The following SDK1 variants were observed in gnomAD, a reference collection of about 807,000 sequenced individuals.
The protein encoded by SDK1 is sidekick cell adhesion molecule 1.
SDK1 carries 157 observed loss-of-function variants against 245.5 expected under a neutral mutation model. The observed-to-expected ratio is 0.64, with a 90% confidence interval of 0.56 to 0.73. The LOEUF is 0.73. Among genes scored for constraint, SDK1 ranks in the 30% least tolerant of loss-of-function variants. The pLI is 0.00. For synonymous variants in SDK1, 1,647 were observed against 1,278.5 expected (o/e 1.29, Z -6.15); for missense variants, 3,583 against 3,002.3 (o/e 1.19, Z -4.52).
chr7:3,816,188 A>G (rs940556882), intron 4 of SDK1, among the ~76,000 whole-genome samples: 2 of 150,940 alleles, frequency 1.3e-5, no homozygotes, highest in African/African-American at 4.9e-5. Context: ...TAAAAGAACT[A>G]GAAAAGCAAG....
intron 4 of SDK1, among the ~76,000 whole-genome samples, chr7:3,782,113 A>G (rs1780764178): frequency 6.6e-6 from 1 of 152,214 alleles, no homozygotes; most frequent in Non-Finnish European, 1.5e-5. Flanking sequence ...TTATGAGGAA[A>G]AGATGTTTCA....
intron 1 of SDK1, among the ~76,000 whole-genome samples, chr7:3,473,554 G>A (rs976271646): frequency 3.9e-5 from 6 of 152,322 alleles, no homozygotes; most frequent in African/African-American, 1.4e-4. Flanking sequence ...CTTGCAGTAT[G>A]TGGGACGTTG....
At chr7:3,896,167 G>A (rs1307219795) in intron 5 of SDK1, among the ~76,000 whole-genome samples, 2 of 152,146 alleles carry the variant, frequency 1.3e-5, no homozygotes, top group Admixed American at 6.5e-5. Flanking sequence ...AATGAAAAAC[G>A]AAATGTTTAT....
At position 3,969,265 on chromosome 7, in the gene SDK1, A is replaced by G. The variant is rs1196923950; in HGVS notation, c.1555A>G (p.Ile519Val). 1 of 1,597,692 alleles carries G rather than the reference A, an allele frequency of 6.3e-7. No individual in the cohort carries two copies. The highest frequency in any genetic ancestry group is 1.3e-5 in the African/African-American group (1 of 74,376). The change falls in exon 11 of 45, where the codon ATT becomes GTT. Residue 519 changes from isoleucine (I) to valine (V), a missense_variant. Physicochemically the swap from Ile to Val is conservative, Grantham distance 29. Transcript: ENST00000404826. ...TCTCCACTGTTCTTTAGAAAACCACATTCTGGCCAGTGGCTCTGTCCGGAT... is the reference window on the plus strand; with the variant it reads ...TCTCCACTGTTCTTTAGAAAACCACGTTCTGGCCAGTGGCTCTGTCCGGAT... ...PAITWKRENH[I>V]LASGSVRIPR...
intron 38 of SDK1, among the ~76,000 whole-genome samples, chr7:4,217,888 T>C (rs1257139360): frequency 1.3e-5 from 2 of 152,130 alleles, no homozygotes; most frequent in Non-Finnish European, 2.9e-5. Context: ...GTACCTGGGT[T>C]TGTTTTTGCT....
chr7:3,781,444 A>G (rs1171204556), intron 4 of SDK1, among the ~76,000 whole-genome samples: 1 of 152,170 alleles, frequency 6.6e-6, no homozygotes, highest in African/African-American at 2.4e-5. Context: ...TATTCCTGTC[A>G]AAGAACACCT....
intron 19 of SDK1, among the ~76,000 whole-genome samples, chr7:4,052,046 G>A (rs923959555): frequency 2.0e-5 from 3 of 152,054 alleles, no homozygotes; most frequent in African/African-American, 7.2e-5. Context: ...TTGGCTCAAG[G>A]AAGGAGCTCT....
intron 1 of SDK1, among the ~76,000 whole-genome samples, chr7:3,389,808 G>C (rs1044425687): frequency 6.6e-6 from 1 of 152,060 alleles, no homozygotes; most frequent in Non-Finnish European, 1.5e-5. Context: ...GGGGTGCTGT[G>C]GTAACAAATA....
intron 5 of SDK1, among the ~76,000 whole-genome samples, chr7:3,943,781 G>A (rs1360424844): frequency 6.6e-6 from 1 of 152,098 alleles, no homozygotes; most frequent in Non-Finnish European, 1.5e-5. Context: ...GACCTAGACA[G>A]CTTCTCCCTC....
At chr7:4,038,800 TTTTC>T (rs1217961780) in intron 17 of SDK1, among the ~76,000 whole-genome samples, 4 of 152,166 alleles carry the variant, frequency 2.6e-5, no homozygotes, top group Admixed American at 6.5e-5. Flanking sequence ...CTGCAGACAA[TTTTC>T]CCAGTTCTGA....
chr7:3,965,181 A>T (rs1781995377), intron 9 of SDK1, among the ~76,000 whole-genome samples: 1 of 152,156 alleles, frequency 6.6e-6, no homozygotes, highest in Non-Finnish European at 1.5e-5. Context: ...TTCCAATAAA[A>T]CTTTATTTAC....
chr7:3,333,249 TATG>T (rs1443404388), intron 1 of SDK1, among the ~76,000 whole-genome samples: 4 of 152,126 alleles, frequency 2.6e-5, no homozygotes, highest in Non-Finnish European at 4.4e-5. Flanking sequence ...TGGCAAAAAT[TATG>T]ATATTTAGAA....
At chr7:3,326,806 C>T (rs999070036) in intron 1 of SDK1, among the ~76,000 whole-genome samples, 11 of 152,116 alleles carry the variant, frequency 7.2e-5, no homozygotes, top group African/African-American at 2.7e-4. Flanking sequence ...TGTTTTCCTT[C>T]TTTTCATTTT....
At chr7:3,323,231 A>T (rs1779861559) in intron 1 of SDK1, among the ~76,000 whole-genome samples, 1 of 152,170 alleles carries the variant, frequency 6.6e-6, no homozygotes, top group Non-Finnish European at 1.5e-5. Context: ...AAGTCTGTGA[A>T]CTTCAAAAGA....
intron 1 of SDK1, among the ~76,000 whole-genome samples, chr7:3,452,051 A>G (rs1780531126): frequency 6.6e-6 from 1 of 152,234 alleles, no homozygotes; most frequent in Non-Finnish European, 1.5e-5. Context: ...GAGATAGAGA[A>G]CTAAATTTGT....
rs530152311 is a variant in SDK1 at position 3,822,659 on chromosome 7, A to G, written c.847+1076A>G. On this transcript the variant is annotated intron_variant, in intron 5 of 44. Coordinates refer to ENST00000404826, the MANE Select transcript of SDK1 (RefSeq NM_152744.4). ...GGTATGCACCTGTAATTCCAGCTAC[A>G]GGGGAGGCTGAGGCAGGAGAGTCAC... Among the ~76,000 whole-genome samples, 4 of 152,018 alleles carry G rather than the reference A, an allele frequency of 2.6e-5. No individual in the cohort carries two copies. The Middle Eastern group carries it at 0.014, about 517-fold the overall frequency.
At position 3,454,599 on chromosome 7, in the gene SDK1, G is replaced by A. The variant is rs369701828; in HGVS notation, c.298+152715G>A. ...CATTTGTTTTCCGTTTCTATAATAC[G>A]GTATGTAACCTTTTGGGATTTGCTG... On this transcript the variant is annotated intron_variant, in intron 1 of 44. Transcript: ENST00000404826. Among the ~76,000 whole-genome samples the A allele has an allele frequency of 7.2e-5, 11 of 152,146 alleles. No individual in the cohort carries two copies. In the East Asian group the frequency reaches 2.1e-3, roughly 29 times the overall value.
chr7:4,137,345 C>G (rs968430441), intron 28 of SDK1, among the ~76,000 whole-genome samples: 2 of 152,204 alleles, frequency 1.3e-5, no homozygotes, highest in Admixed American at 6.5e-5. Flanking sequence ...CCAAATTGCT[C>G]TGTGTATAGC....
chr7:3,501,415 A>G (rs1406645402), intron 1 of SDK1, among the ~76,000 whole-genome samples: 1 of 151,994 alleles, frequency 6.6e-6, no homozygotes, highest in Non-Finnish European at 1.5e-5. Flanking sequence ...TCAAAGTAGA[A>G]CAGTTAGGTT....
Sources: allele counts gnomAD v4.1 joint callset (sites outside exome capture counted in the v4.1 genomes callset), GRCh38; gene constraint gnomAD v4.1.1; transcripts MANE v1.5; gene names NCBI Gene and HGNC (gene_info 2026-07-23, HGNC 2026-07-21).